Variants in NF1 observed in about 807,000 individuals in gnomAD.
The protein encoded by NF1 is neurofibromin 1.
Under a neutral mutation model 325.7 loss-of-function variants are expected in NF1, and 122 were observed. That is an observed-to-expected ratio of 0.37 (90% confidence interval 0.32 to 0.44). NF1 has a LOEUF of 0.44. NF1 is among the 20% of genes least tolerant of loss of function. NF1 has a pLI of 1.00. For synonymous variants in NF1, 1,091 were observed against 1,186.0 expected (o/e 0.92, Z 1.65); for missense variants, 2,140 against 3,415.4 (o/e 0.63, Z 9.31).
At chr17:31,340,109 A>G (rs1361527041) in intron 46 of NF1, among the ~76,000 whole-genome samples, 1 of 152,240 alleles carries the variant, frequency 6.6e-6, no homozygotes, top group Non-Finnish European at 1.5e-5. Context: ...TAGTGTGCAC[A>G]GTGGATTGGA....
chr17:31,186,269 A>G (rs1041434372), intron 8 of NF1, among the ~76,000 whole-genome samples: 1 of 152,072 alleles, frequency 6.6e-6, no homozygotes, highest in African/African-American at 2.4e-5. Context: ...GGAGTTCCCT[A>G]TGATCAGTTG....
At chr17:31,286,442 A>T (rs2068229393) in intron 36 of NF1, among the ~76,000 whole-genome samples, 1 of 152,168 alleles carries the variant, frequency 6.6e-6, no homozygotes, top group Admixed American at 6.5e-5. Flanking sequence ...CTCTAAGCTC[A>T]TACTTAATGA....
intron 36 of NF1, among the ~76,000 whole-genome samples, chr17:31,275,513 T>G (rs1207576454): frequency 6.6e-6 from 1 of 152,260 alleles, no homozygotes; most frequent in Non-Finnish European, 1.5e-5. Context: ...TCTCTTACTG[T>G]GCCTAATTTA....
intron 1 of NF1, among the ~76,000 whole-genome samples, chr17:31,095,755 T>C (rs1911635760): frequency 6.6e-6 from 1 of 152,062 alleles, no homozygotes; most frequent in South Asian, 2.1e-4. Context: ...CAGAGGTGGG[T>C]AACGTTTAGG....
intron 36 of NF1, chr17:31,304,277 C>A: frequency 6.2e-7 from 1 of 1,608,128 alleles, no homozygotes; most frequent in Middle Eastern, 1.7e-4. Flanking sequence ...AACAGTTCTG[C>A]AGGTGGAGGT....
chr17:31,116,488 A>T (rs1355890747), intron 1 of NF1, among the ~76,000 whole-genome samples: 1 of 152,098 alleles, frequency 6.6e-6, no homozygotes, highest in Non-Finnish European at 1.5e-5. Flanking sequence ...TGTCTAACCT[A>T]CCTGCTTAAG....
chr17:31,137,350 G>C (rs1915854777), intron 1 of NF1: 1 of 152,182 alleles, frequency 6.6e-6, no homozygotes, highest in Non-Finnish European at 1.5e-5. Context: ...GTAGTGTACT[G>C]TGATTAAGTT....
At chr17:31,146,428 C>T (rs1340174865) in intron 1 of NF1, among the ~76,000 whole-genome samples, 1 of 151,626 alleles carries the variant, frequency 6.6e-6, no homozygotes, top group Non-Finnish European at 1.5e-5. Flanking sequence ...TCCATCCATC[C>T]ATCCATCCAT....
chr17:31,191,052 G>A (rs915180381), intron 8 of NF1, among the ~76,000 whole-genome samples: 2 of 151,868 alleles, frequency 1.3e-5, no homozygotes, highest in Non-Finnish European at 2.9e-5. Flanking sequence ...TTTTTCAATC[G>A]TACCTCAATA....
chr17:31,240,056 G>A (rs975127384), intron 29 of NF1, among the ~76,000 whole-genome samples: 3 of 152,184 alleles, frequency 2.0e-5, no homozygotes, highest in Non-Finnish European at 4.4e-5. Context: ...CAGCCACCGT[G>A]CCCGGCCTAT....
At chr17:31,265,508 G>A (rs560959355) in intron 36 of NF1, among the ~76,000 whole-genome samples, 169 bp downstream of exon 36, 1 of 151,604 alleles carries the variant, frequency 6.6e-6, no homozygotes, top group Non-Finnish European at 1.5e-5. Context: ...ATGATGGTCG[G>A]TATCTAGTAG....
At chr17:31,130,810 G>A (rs888071855) in intron 1 of NF1, among the ~76,000 whole-genome samples, 6 of 152,202 alleles carry the variant, frequency 3.9e-5, no homozygotes, top group Non-Finnish European at 8.8e-5. Context: ...CACACGTGTG[G>A]GCAAAGCATT....
chr17:31,173,048 A>G (rs990179980), intron 5 of NF1, among the ~76,000 whole-genome samples: 2 of 151,352 alleles, frequency 1.3e-5, no homozygotes, highest in Non-Finnish European at 2.9e-5. Flanking sequence ...TTGTTAGGCT[A>G]AGGTGGGCGG....
chr17:31,339,305 G>A (rs1432540954), intron 46 of NF1, among the ~76,000 whole-genome samples: 3 of 152,102 alleles, frequency 2.0e-5, no homozygotes, highest in African/African-American at 7.2e-5. Flanking sequence ...AAGAGTTTGG[G>A]TGCCAAATGA....
intron 1 of NF1, among the ~76,000 whole-genome samples, chr17:31,134,653 C>G (rs964760494): frequency 6.6e-6 from 1 of 152,162 alleles, no homozygotes; most frequent in Non-Finnish European, 1.5e-5. Context: ...GAAGGCTTGA[C>G]TGGGGGTAGA....
intron 1 of NF1, among the ~76,000 whole-genome samples, chr17:31,123,610 G>A (rs1914621430): frequency 6.6e-6 from 1 of 152,104 alleles, no homozygotes; most frequent in African/African-American, 2.4e-5. Flanking sequence ...AATAATGTTA[G>A]GAAAATAATT....
chr17:31,145,341 T>C (rs1483355831), intron 1 of NF1, among the ~76,000 whole-genome samples: 1 of 152,268 alleles, frequency 6.6e-6, no homozygotes, highest in Non-Finnish European at 1.5e-5. Context: ...TGCACGCATG[T>C]ACCACCATGC....
rs2067765502 is a variant in NF1 at position 31,265,269 on chromosome 17, A to C, written c.4765A>C (p.Thr1589Pro). The change falls in exon 36 of 58, where the codon ACG (threonine) becomes CCG (proline). Residue 1589 changes from threonine to proline, a missense_variant. By Grantham distance (38) the Thr-to-Pro change is conservative. Transcript: ENST00000358273. Reference protein sequence around the residue: ...HEKEEFKALKTLSIFYQAGTS... With the variant: ...HEKEEFKALKPLSIFYQAGTS... ...AAAAGAAGAATTCAAGGCTTTGAAA[A>C]CGTTAAGTATTTTCTACCAAGCTGG... 6.2e-7 allele frequency: 1 copy of C among 1,613,312 alleles called. No individual in the cohort carries two copies. The highest frequency in any genetic ancestry group is 1.3e-5 in the African/African-American group (1 of 74,872).
At chr17:31,269,676 G>A (rs2067855604) in intron 36 of NF1, among the ~76,000 whole-genome samples, 1 of 152,176 alleles carries the variant, frequency 6.6e-6, no homozygotes. Flanking sequence ...CTTTCTTTGT[G>A]TCGGTTTTAT....
Sources: allele counts gnomAD v4.1 joint callset (sites outside exome capture counted in the v4.1 genomes callset), GRCh38; gene constraint gnomAD v4.1.1; transcripts MANE v1.5; gene names NCBI Gene and HGNC (gene_info 2026-07-23, HGNC 2026-07-21).